Variants in BMP6 observed in about 807,000 individuals in gnomAD.
BMP6 encodes the protein VG-1-R.
In BMP6, 17 loss-of-function variants were observed where a neutral mutation model predicts 54.1. That is an observed-to-expected ratio of 0.31 (90% CI 0.22 to 0.47). The LOEUF (loss-of-function observed/expected upper bound fraction) is 0.47. BMP6 is among the 20% of genes least tolerant of loss of function. The pLI is 1.00. For synonymous variants in BMP6, 328 were observed against 291.2 expected (o/e 1.13, Z -1.28); for missense variants, 720 against 690.4 (o/e 1.04, Z -0.48).
In BMP6 at chr6:7,742,294, G is replaced by T. The variant is rs150855845; in HGVS notation, c.664+14675G>T. On this transcript the variant is annotated intron_variant, in intron 1 of 6. Transcript: ENST00000283147. The stretch of plus-strand genomic sequence containing the variant: ...AATAAGTATGAATACAAGTCAGAAA[G>T]ACATGCCGCTGAGTCTCAATTTAAA... Among the ~76,000 whole-genome samples the T allele has an allele frequency of 6.8e-3, 1,043 of 152,294 alleles. 18 individuals are homozygous for T. The highest frequency in any genetic ancestry group is 0.023 in the African/African-American group (948 of 41,534).
intron 1 of BMP6, among the ~76,000 whole-genome samples, chr6:7,838,548 C>G (rs1217764952): frequency 6.6e-6 from 1 of 152,188 alleles, no homozygotes; most frequent in East Asian, 1.9e-4. Flanking sequence ...ATTATTTAAT[C>G]TTAATAGTAC....
intron 1 of BMP6, among the ~76,000 whole-genome samples, chr6:7,780,295 C>T (rs139577184): frequency 5.5e-4 from 84 of 152,208 alleles, no homozygotes; most frequent in African/African-American, 2.0e-3. Context: ...TGCATGTAAT[C>T]CCAGAACTTT....
intron 1 of BMP6, among the ~76,000 whole-genome samples, chr6:7,746,319 T>A (rs1055947106): frequency 6.6e-6 from 1 of 152,164 alleles, no homozygotes; most frequent in Non-Finnish European, 1.5e-5. Flanking sequence ...GAGGAACTAT[T>A]TACAACTTTT....
intron 2 of BMP6, among the ~76,000 whole-genome samples, chr6:7,856,614 T>TTTTTTTTTTTTTTTTTTTTA (rs1491363620): frequency 1.1e-5 from 1 of 95,160 alleles, no homozygotes; most frequent in Admixed American, 1.1e-4. Flanking sequence ...TTTTTTTTTT[T>TTTTTTTTTTTTTTTTTTTTA]GAGACGGAGT....
intron 4 of BMP6, among the ~76,000 whole-genome samples, chr6:7,872,078 C>T: frequency 6.6e-6 from 1 of 152,162 alleles, no homozygotes; most frequent in East Asian, 1.9e-4. Flanking sequence ...CTCTAGCTGT[C>T]TCACTTCCTT....
chr6:7,793,963 G>A (rs144997021), intron 1 of BMP6, among the ~76,000 whole-genome samples: 64 of 152,288 alleles, frequency 4.2e-4, no homozygotes, highest in African/African-American at 1.5e-3. Context: ...ATACTGCATG[G>A]CATTTTCAGA....
At chr6:7,818,484 C>T (rs889212971) in intron 1 of BMP6, among the ~76,000 whole-genome samples, 3 of 152,208 alleles carry the variant, frequency 2.0e-5, no homozygotes, top group Admixed American at 2.0e-4. Flanking sequence ...CAGCTGTAGG[C>T]AGTAACTGAC....
chr6:7,755,022 T>A (rs2113133616), intron 1 of BMP6, among the ~76,000 whole-genome samples: 1 of 152,328 alleles, frequency 6.6e-6, no homozygotes, highest in Middle Eastern at 3.4e-3. Context: ...CCGGACTAAT[T>A]TTCTAACCTT....
intron 1 of BMP6, among the ~76,000 whole-genome samples, chr6:7,815,845 C>T (rs1000170399): frequency 1.3e-5 from 2 of 152,168 alleles, no homozygotes; most frequent in African/African-American, 4.8e-5. Context: ...TCTCCAGTTG[C>T]TGGACTTCCT....
intron 5 of BMP6, 83 bp from the exon 6 acceptor site, chr6:7,879,908 C>G: frequency 7.2e-7 from 1 of 1,381,942 alleles, no homozygotes; most frequent in Middle Eastern, 1.8e-4. Context: ...GTGAAAAATA[C>G]CTTTTCACAG....
rs1561790935 is a variant in BMP6, at chr6:7,848,875, T to C, written c.857+3543T>C. Among the ~76,000 whole-genome samples, 4 of 152,348 alleles carry C rather than the reference T, an allele frequency of 2.6e-5. No homozygotes were observed. In the East Asian group the frequency reaches 5.8e-4, roughly 22 times the overall value. On this transcript the variant is annotated intron_variant, in intron 2 of 6. Transcript: ENST00000283147. ...TTGTGATGATGCAGGTAAAAAAAAT[T>C]GCATTCATATAGTAGTTACAGTTTG...
chr6:7,858,037 G>A (rs148096575), intron 2 of BMP6, among the ~76,000 whole-genome samples: 2,370 of 152,204 alleles, frequency 0.016, 34 homozygotes, highest in Non-Finnish European at 0.024. Flanking sequence ...CTTCCTGCAC[G>A]CACTCTCATA....
intron 1 of BMP6, among the ~76,000 whole-genome samples, chr6:7,803,071 G>A (rs902737183): frequency 3.9e-5 from 6 of 152,128 alleles, no homozygotes; most frequent in African/African-American, 1.4e-4. Flanking sequence ...TGGGTGCTAG[G>A]AAGGAAGCCT....
intron 1 of BMP6, among the ~76,000 whole-genome samples, chr6:7,812,468 A>G (rs1400486387): frequency 6.6e-6 from 1 of 152,214 alleles, no homozygotes; most frequent in East Asian, 1.9e-4. Context: ...GTAATAGGAG[A>G]CTGTATAATG....
intron 2 of BMP6, among the ~76,000 whole-genome samples, chr6:7,861,095 A>G (rs948357147): frequency 3.3e-5 from 5 of 152,178 alleles, no homozygotes; most frequent in African/African-American, 7.2e-5. Context: ...AAAAAAAAAA[A>G]AATAAAAAAG....
intron 4 of BMP6, among the ~76,000 whole-genome samples, chr6:7,866,291 G>T (rs1003743892): frequency 9.2e-5 from 14 of 152,258 alleles, no homozygotes; most frequent in Middle Eastern, 3.4e-3. Context: ...GCCCCATTGG[G>T]GATTTTAACC....
At chr6:7,826,946 C>T (rs1758706172) in intron 1 of BMP6, among the ~76,000 whole-genome samples, 1 of 152,184 alleles carries the variant, frequency 6.6e-6, no homozygotes, top group South Asian at 2.1e-4. Context: ...TTCTTTTGCA[C>T]TATGAGCCAT....
At chr6:7,834,046 A>G (rs1227111922) in intron 1 of BMP6, among the ~76,000 whole-genome samples, 1 of 152,224 alleles carries the variant, frequency 6.6e-6, no homozygotes, top group Non-Finnish European at 1.5e-5. Flanking sequence ...AAAGACCAAC[A>G]CTAGCGCTGA....
chr6:7,732,917 G>GA (rs1761891824), intron 1 of BMP6, among the ~76,000 whole-genome samples: 2 of 145,694 alleles, frequency 1.4e-5, no homozygotes, highest in African/African-American at 2.6e-5. Context: ...TTTTTTTTAA[G>GA]ACAGTATCTT....
Sources: allele counts gnomAD v4.1 joint callset (sites outside exome capture counted in the v4.1 genomes callset), GRCh38; gene constraint gnomAD v4.1.1; transcripts MANE v1.5; gene names NCBI Gene and HGNC (gene_info 2026-07-23, HGNC 2026-07-21).